The following EMID1 variants were observed in gnomAD, a reference collection of about 807,000 sequenced individuals.
The protein encoded by EMID1 is EMI domain containing 1.
A neutral mutation model predicts 60.6 loss-of-function variants in EMID1; 40 were observed. That is an observed-to-expected ratio of 0.66 (90% CI 0.51 to 0.86). EMID1 has a LOEUF of 0.86. Among genes scored for constraint, EMID1 ranks in the 40% least tolerant of loss-of-function variants. EMID1 has a pLI of 0.00. For synonymous variants in EMID1, 242 were observed against 231.0 expected, an observed-to-expected ratio of 1.05 and a Z score of -0.43; for missense variants, 585 against 597.1, an observed-to-expected ratio of 0.98 and a Z score of 0.21.
In EMID1 at chr22:29,205,969, A is replaced by C. The variant is rs1018387215; in HGVS notation, c.-70A>C. The C allele has an allele frequency of 1.0e-6, 1 of 959,822 alleles. No homozygotes were observed. The highest frequency in any genetic ancestry group is 1.8e-5 in the African/African-American group (1 of 57,022). The allele number at this position is 959,822 out of a possible 1,614,324, so 59.5% of individuals were successfully genotyped here. A position where few individuals can be genotyped will look rare whatever the true frequency, so the allele number is the denominator to read the frequency against. On this transcript the variant is annotated 5_prime_UTR_variant, in exon 1 of 15. Coordinates refer to ENST00000334018, the MANE Select transcript of EMID1 (RefSeq NM_133455.4). ...GTCCGGGGCGGCTGGCGGCGCGGGCAGGCAGGCGGGGAGGACAGGCTGGGG... is the reference window on the plus strand; with the variant it reads ...GTCCGGGGCGGCTGGCGGCGCGGGCCGGCAGGCGGGGAGGACAGGCTGGGG...
chr22:29,254,843 A>G (rs1201153484), intron 14 of EMID1: 5 of 167,634 alleles, frequency 3.0e-5, no homozygotes, highest in Admixed American at 2.9e-4. Context: ...TGGGTGACAG[A>G]GCTAGGCTCA....
chr22:29,221,398 G>A (rs1003666919), intron 3 of EMID1, among the ~76,000 whole-genome samples: 7 of 152,076 alleles, frequency 4.6e-5, no homozygotes, highest in Admixed American at 3.9e-4. Flanking sequence ...TTTTTGAGAA[G>A]GAGTCTTGCT....
intron 12 of EMID1, among the ~76,000 whole-genome samples, chr22:29,236,268 C>G (rs2040945731): frequency 6.6e-6 from 1 of 152,098 alleles, no homozygotes; most frequent in African/African-American, 2.4e-5. Context: ...TGGTAGTGTG[C>G]ACCTGTAGAT....
chr22:29,249,095 G>A (rs749130313), intron 13 of EMID1, among the ~76,000 whole-genome samples: 34 of 152,054 alleles, frequency 2.2e-4, no homozygotes, highest in Non-Finnish European at 4.1e-4. Flanking sequence ...AGTGTGCACC[G>A]TGAATGAATA....
At chr22:29,232,661 A>C (rs1463037321) in intron 8 of EMID1, 4 of 458,948 alleles carry the variant, frequency 8.7e-6, no homozygotes, top group Non-Finnish European at 1.5e-5. Context: ...CTGCCTCCAG[A>C]ACCTGTGCTT....
At chr22:29,244,273 A>G (rs1266421794) in intron 13 of EMID1, among the ~76,000 whole-genome samples, 2 of 150,694 alleles carry the variant, frequency 1.3e-5, no homozygotes, top group African/African-American at 2.4e-5. Context: ...GCAAAATCTC[A>G]TGATTAATGT....
rs114872480 is a variant in EMID1 at position 29,257,519 on chromosome 22, G to A, written c.1205-1298G>A. The stretch of plus-strand genomic sequence containing the variant: ...TGGTCAGGCTAGGGGTCCACCTCAG[G>A]TCTCCCCTCTAAAGTCCTGGCCCTT... On this transcript the variant is annotated intron_variant, in intron 14 of 14. Coordinates refer to ENST00000334018, the MANE Select transcript of EMID1 (RefSeq NM_133455.4). Among the ~76,000 whole-genome samples, 392 of 152,174 alleles carry A rather than the reference G, an allele frequency of 2.6e-3. 2 individuals carry two copies. Among genetic ancestry groups the A allele is most frequent in the African/African-American group, 9.1e-3 (376 of 41,512 alleles).
chr22:29,216,368 T>C (rs2040082791), intron 3 of EMID1: 1 of 985,314 alleles, frequency 1.0e-6, no homozygotes, highest in African/African-American at 1.7e-5. Context: ...CCATCCTCAC[T>C]GCCTGGCTGA....
chr22:29,255,496 C>A, intron 14 of EMID1: 1 of 633,766 alleles, frequency 1.6e-6, no homozygotes, highest in Non-Finnish European at 2.5e-6. Context: ...AGCCAGCCAG[C>A]AAATGGTGCC....
chr22:29,214,768 C>G (rs1398007464), intron 1 of EMID1, among the ~76,000 whole-genome samples, 158 bp from the exon 2 acceptor site: 2 of 152,188 alleles, frequency 1.3e-5, no homozygotes, highest in African/African-American at 4.8e-5. Flanking sequence ...CTCCCCCCAG[C>G]CATTTGGGCC....
intron 2 of EMID1, 103 bp downstream of exon 2, chr22:29,215,142 C>T (rs1398936059): frequency 2.8e-6 from 4 of 1,432,218 alleles, no homozygotes; most frequent in Admixed American, 5.0e-5. Context: ...GAAGACTGGA[C>T]CCCAGGGTGG....
intron 5 of EMID1, among the ~76,000 whole-genome samples, chr22:29,229,363 G>A (rs2040643410): frequency 6.6e-6 from 1 of 152,040 alleles, no homozygotes; most frequent in African/African-American, 2.4e-5. Flanking sequence ...AGAAGATGCC[G>A]CTGGGCGCGG....
chr22:29,228,855 A>G (rs1042980386), intron 5 of EMID1, among the ~76,000 whole-genome samples: 3 of 152,156 alleles, frequency 2.0e-5, no homozygotes, highest in Non-Finnish European at 4.4e-5. Context: ...CTCAGCCTCC[A>G]GGAGTGTTGG....
chr22:29,228,654 C>G (rs1038677944), intron 5 of EMID1, among the ~76,000 whole-genome samples: 1 of 152,172 alleles, frequency 6.6e-6, no homozygotes, highest in Non-Finnish European at 1.5e-5. Flanking sequence ...TGCAATCTGC[C>G]GTGAGTTGGA....
At chr22:29,244,239 AGGG>A (rs2041245604) in intron 13 of EMID1, among the ~76,000 whole-genome samples, 1 of 152,126 alleles carries the variant, frequency 6.6e-6, no homozygotes, top group South Asian at 2.1e-4. Flanking sequence ...GGGGACAAGA[AGGG>A]GGAACTAGAA....
At chr22:29,233,571 T>C in intron 9 of EMID1, 43 bp from the exon 10 acceptor site, 2 of 1,610,034 alleles carry the variant, frequency 1.2e-6, no homozygotes, top group African/African-American at 1.3e-5. Context: ...CTTCCTGAGA[T>C]TGTACTTTGT....
chr22:29,258,084 T>C (rs2041768905), intron 14 of EMID1, among the ~76,000 whole-genome samples: 1 of 152,160 alleles, frequency 6.6e-6, no homozygotes, highest in Admixed American at 6.5e-5. Context: ...CAAGTATCTG[T>C]CCTATGGAGG....
intron 3 of EMID1, among the ~76,000 whole-genome samples, chr22:29,224,539 C>T (rs1198677389): frequency 1.3e-5 from 2 of 152,218 alleles, no homozygotes; most frequent in Non-Finnish European, 2.9e-5. Flanking sequence ...CCCAGGCAGC[C>T]AGCCTCCCTC....
intron 2 of EMID1, 90 bp downstream of exon 2, chr22:29,215,129 G>C: frequency 6.9e-7 from 1 of 1,444,114 alleles, no homozygotes; most frequent in Non-Finnish European, 9.2e-7. Context: ...GGGGAGTGTG[G>C]GGGAAGACTG....
Sources: gnomAD v4.1 joint callset for allele counts (sites outside exome capture counted in the v4.1 genomes callset) on GRCh38, gnomAD v4.1.1 for gene constraint, MANE v1.5 for transcripts, NCBI Gene and HGNC (gene_info 2026-07-23, HGNC 2026-07-21) for gene names.